PNPLA8: variants seen among roughly 807,000 people sequenced by gnomAD.
PNPLA8 encodes patatin like domain 8, phospholipase A2, also known as calcium-independent phospholipase A2-gamma.
In PNPLA8, 39 loss-of-function variants were observed where a neutral mutation model predicts 76.9. That is an observed-to-expected ratio of 0.51 (90% CI 0.39 to 0.66). The LOEUF (loss-of-function observed/expected upper bound fraction) is 0.66, where lower values mean the gene tolerates loss of function less well. PNPLA8 is among the 30% of genes least tolerant of loss of function. PNPLA8 has a pLI of 0.00. For missense variants in PNPLA8, 887 were observed against 918.0 expected (o/e 0.97, Z 0.44); for synonymous variants, 301 against 307.9 (o/e 0.98, Z 0.24).
At chr7:108,503,952 G>A (rs40850) in intron 4 of PNPLA8, among the ~76,000 whole-genome samples, 42,357 of 152,064 alleles carry the variant, frequency 0.28, 6,237 homozygotes, top group African/African-American at 0.32. Context: ...AGGTGTGGAA[G>A]GCAAAAGGTA....
chr7:108,509,596 A>G (rs1862737360), intron 4 of PNPLA8, among the ~76,000 whole-genome samples: 1 of 147,970 alleles, frequency 6.8e-6, no homozygotes, highest in Non-Finnish European at 1.5e-5. Context: ...AAACTAGTTC[A>G]ACCATTGTGG....
chr7:108,515,625 G>A (rs1029582781), intron 2 of PNPLA8, 51 bp from the exon 3 acceptor site: 7 of 1,121,418 alleles, frequency 6.2e-6, no homozygotes, highest in Admixed American at 7.4e-5. Flanking sequence ...TTGAAATTGG[G>A]TATAACAGAA....
intron 9 of PNPLA8, among the ~76,000 whole-genome samples, chr7:108,481,143 A>G (rs1219405927): frequency 6.6e-6 from 1 of 152,172 alleles, no homozygotes; most frequent in East Asian, 1.9e-4. Flanking sequence ...CCAGCATTTG[A>G]CTGTCACGAA....
intron 7 of PNPLA8, among the ~76,000 whole-genome samples, chr7:108,495,669 T>C (rs904995041): frequency 6.6e-6 from 1 of 152,144 alleles, no homozygotes; most frequent in African/African-American, 2.4e-5. Context: ...TATTCTGAAA[T>C]GTGAGAAGAA....
chr7:108,512,779 C>G (rs577473729), intron 4 of PNPLA8, among the ~76,000 whole-genome samples: 11 of 152,182 alleles, frequency 7.2e-5, no homozygotes, highest in Admixed American at 5.3e-4. Flanking sequence ...GATTTTTATT[C>G]ATAATTGATC....
At chr7:108,495,736 TGTC>T (rs1563953996) in intron 7 of PNPLA8, among the ~76,000 whole-genome samples, 1 of 152,154 alleles carries the variant, frequency 6.6e-6, no homozygotes, top group Non-Finnish European at 1.5e-5. Flanking sequence ...GGAACATAAA[TGTC>T]GTAAATGTCC....
chr7:108,505,352 A>T (rs891028351), intron 4 of PNPLA8, among the ~76,000 whole-genome samples: 2,252 of 13,876 alleles, frequency 0.16, 241 homozygotes, highest in East Asian at 0.42. Flanking sequence ...ATATATATAT[A>T]TTTTTTTTTT....
At position 108,479,304 on chromosome 7, in the gene PNPLA8, A is replaced by T. The variant is rs1860224924; in HGVS notation, c.1954T>A (p.Leu652Ile). The change falls in exon 10 of 11, where the codon TTA becomes ATA. Residue 652 changes from leucine (L) to isoleucine (I), a missense_variant. Coordinates refer to ENST00000257694, the MANE Select transcript of PNPLA8 (RefSeq NM_001256007.3). ...ECKCLWPDVP[L>I]ECIVSLGTGR... Reference sequence around the variant, plus strand: ...GTGCCCAGGGATACTATGCACTCTAACGGCACATCTGGCCAAAGACATTTA... The same window carrying T: ...GTGCCCAGGGATACTATGCACTCTATCGGCACATCTGGCCAAAGACATTTA... 1 of 1,612,960 alleles carries T rather than the reference A, an allele frequency of 6.2e-7. No homozygotes were observed. The highest frequency in any genetic ancestry group is 8.5e-7 in the Non-Finnish European group (1 of 1,178,902).
At chr7:108,507,497 T>C (rs1429355524) in intron 4 of PNPLA8, among the ~76,000 whole-genome samples, 1 of 151,616 alleles carries the variant, frequency 6.6e-6, no homozygotes, top group Non-Finnish European at 1.5e-5. Context: ...CCACAAAAAA[T>C]ACAAAAATTA....
At chr7:108,523,225 G>C (rs1344499833) in intron 1 of PNPLA8, among the ~76,000 whole-genome samples, 3 of 152,140 alleles carry the variant, frequency 2.0e-5, no homozygotes, top group Non-Finnish European at 4.4e-5. Context: ...GCTAAGGATG[G>C]AAAGAATGAA....
At chr7:108,510,555 T>C (rs1263385137) in intron 4 of PNPLA8, 41 of 1,421,062 alleles carry the variant, frequency 2.9e-5, no homozygotes, top group Non-Finnish European at 3.8e-5. Context: ...CGAAAGGTGT[T>C]GCAGCTTCTT....
At chr7:108,493,519 C>T (rs1240540598) in intron 7 of PNPLA8, among the ~76,000 whole-genome samples, 1 of 150,986 alleles carries the variant, frequency 6.6e-6, no homozygotes, top group Non-Finnish European at 1.5e-5. Flanking sequence ...ATTCTCCTGC[C>T]TCAGCCTCCC....
intron 7 of PNPLA8, among the ~76,000 whole-genome samples, chr7:108,492,348 TC>T (rs1750210395): frequency 6.6e-6 from 1 of 152,218 alleles, no homozygotes; most frequent in South Asian, 2.1e-4. Context: ...CCCAACCTGA[TC>T]TATACATTTC....
At chr7:108,491,324 A>G in intron 8 of PNPLA8, 86 bp downstream of exon 8, 1 of 810,272 alleles carries the variant, frequency 1.2e-6, no homozygotes, top group Non-Finnish European at 2.1e-6. Flanking sequence ...TAAAAATAAA[A>G]TAAAATAAAA....
At chr7:108,516,762 CATG>C (rs1863374015) in intron 2 of PNPLA8, among the ~76,000 whole-genome samples, 1 of 152,030 alleles carries the variant, frequency 6.6e-6, no homozygotes, top group South Asian at 2.1e-4. Context: ...ATTAGCTAGG[CATG>C]GTGGTGCACG....
intron 9 of PNPLA8, among the ~76,000 whole-genome samples, chr7:108,486,079 A>G (rs1182836493): frequency 6.6e-6 from 1 of 152,122 alleles, no homozygotes; most frequent in Non-Finnish European, 1.5e-5. Context: ...CTGAAATGGA[A>G]AAGGAACCAC....
At chr7:108,484,978 C>G (rs1310691509) in intron 9 of PNPLA8, among the ~76,000 whole-genome samples, 1 of 152,050 alleles carries the variant, frequency 6.6e-6, no homozygotes, top group Non-Finnish European at 1.5e-5. Context: ...GCTCTTTCTG[C>G]TAAAAACACT....
Position 108,496,632 on chromosome 7 carries a change from C to G in PNPLA8, c.1577G>C (p.Ser526Thr). 1 of 1,608,396 alleles carries G rather than the reference C, an allele frequency of 6.2e-7. No homozygotes were observed. The highest frequency in any genetic ancestry group is 8.5e-7 in the Non-Finnish European group (1 of 1,177,884). The change falls in exon 7 of 11, where the codon AGT becomes ACT. Residue 526 changes from serine to threonine, a missense_variant. Transcript: ENST00000257694. ...QNVIVGTVKM[S>T]WSHAFYDSQT... ...ACTGTCATAAAATGCATGGCTCCAA[C>G]TCATTTTTACTGTTCCAACAATGAC... is the stretch of plus-strand genomic sequence containing the variant.
At chr7:108,526,136 G>T (rs1864066167), upstream of PNPLA8, 1 of 973,078 alleles carries the variant, frequency 1.0e-6, no homozygotes. Context: ...CACAAACACT[G>T]GCGCAGCAGC....
Sources: gnomAD v4.1 joint callset for allele counts (sites outside exome capture counted in the v4.1 genomes callset) on GRCh38, gnomAD v4.1.1 for gene constraint, MANE v1.5 for transcripts, NCBI Gene and HGNC (gene_info 2026-07-23, HGNC 2026-07-21) for gene names.